NEDD4L: variants seen among roughly 807,000 people sequenced by gnomAD.
NEDD4L encodes the protein NEDD4 like E3 ubiquitin protein ligase.
Under a neutral mutation model 148.9 loss-of-function variants are expected in NEDD4L, and 54 were observed. That is an observed-to-expected ratio of 0.36 (90% CI 0.29 to 0.45). The LOEUF is 0.45. Ranked by LOEUF, NEDD4L falls within the 20% of genes least tolerant of loss-of-function variation. The probability of loss-of-function intolerance (pLI) is 1.00; values close to 1 mark genes in which losing one functional copy is unlikely to be tolerated. For missense variants in NEDD4L, 856 were observed against 1,233.8 expected (o/e 0.69, Z 4.59); for synonymous variants, 433 against 440.7 (o/e 0.98, Z 0.22).
chr18:58,225,338 AC>A (rs1325314847), intron 2 of NEDD4L, among the ~76,000 whole-genome samples: 3 of 152,106 alleles, frequency 2.0e-5, no homozygotes, highest in African/African-American at 7.2e-5. Flanking sequence ...TAGGGAAAAA[AC>A]CCCAGAAACT....
At position 58,342,120 on chromosome 18, in the gene NEDD4L, C is replaced by T. The variant is rs190257862; in HGVS notation, c.1377+323C>T. Among the ~76,000 whole-genome samples, 25 of 152,346 alleles carry T rather than the reference C, an allele frequency of 1.6e-4. No homozygotes were observed. In the East Asian group the frequency reaches 3.9e-3, roughly 23 times the overall value. ...TTTGCCTGTTACCTCATTAGAATTG[C>T]GTAATCCCTCTTTCAAATACCAAGT... is the stretch of plus-strand genomic sequence containing the variant. On this transcript the variant is annotated intron_variant, in intron 15 of 30. Coordinates refer to ENST00000400345, the MANE Select transcript of NEDD4L (RefSeq NM_001144967.3).
intron 2 of NEDD4L, among the ~76,000 whole-genome samples, chr18:58,210,298 A>C (rs2042470643): frequency 6.6e-6 from 1 of 152,244 alleles, no homozygotes; most frequent in Admixed American, 6.5e-5. Context: ...TATAGGGCTG[A>C]CTTCTTAGGA....
At chr18:58,175,756 C>T (rs143507997) in intron 2 of NEDD4L, among the ~76,000 whole-genome samples, 14 of 152,334 alleles carry the variant, frequency 9.2e-5, no homozygotes, top group African/African-American at 3.1e-4. Context: ...GATAGTAACT[C>T]CCTCCCGCAA....
chr18:58,166,110 G>A (rs1486078337), intron 2 of NEDD4L, among the ~76,000 whole-genome samples: 2 of 152,212 alleles, frequency 1.3e-5, no homozygotes, highest in African/African-American at 4.8e-5. Context: ...CTAATTTCAT[G>A]AGATTAGCTT....
intron 29 of NEDD4L, among the ~76,000 whole-genome samples, chr18:58,391,018 C>T (rs1045334244): frequency 3.3e-5 from 5 of 150,620 alleles, no homozygotes; most frequent in African/African-American, 9.8e-5. Context: ...TTTAGTAAAT[C>T]GTTAAAAACT....
intron 5 of NEDD4L, among the ~76,000 whole-genome samples, chr18:58,267,393 G>GT (rs1319871226): frequency 3.9e-5 from 6 of 152,144 alleles, no homozygotes; most frequent in South Asian, 2.1e-4. Flanking sequence ...TCATGAAAAT[G>GT]TAACAGTTCC....
intron 1 of NEDD4L, among the ~76,000 whole-genome samples, chr18:58,108,182 A>G (rs759302640): frequency 6.6e-6 from 1 of 152,144 alleles, no homozygotes; most frequent in Non-Finnish European, 1.5e-5. Context: ...TTAGTTTGTT[A>G]TTTTGATAGG....
At chr18:58,191,687 A>T (rs962634877) in intron 2 of NEDD4L, among the ~76,000 whole-genome samples, 1 of 152,216 alleles carries the variant, frequency 6.6e-6, no homozygotes, top group Non-Finnish European at 1.5e-5. Flanking sequence ...GTGTGTAGCC[A>T]AAGTTCTAAA....
chr18:58,148,125 T>C (rs376874239), intron 1 of NEDD4L, among the ~76,000 whole-genome samples: 14 of 151,520 alleles, frequency 9.2e-5, no homozygotes, highest in African/African-American at 2.2e-4. Context: ...AAATACCCAA[T>C]TGGTGACTTC....
chr18:58,044,981 G>A, intron 1 of NEDD4L: 1 of 434,748 alleles, frequency 2.3e-6, no homozygotes, highest in Non-Finnish European at 4.1e-6. Flanking sequence ...CGGGAGGAGA[G>A]GGAGGGGGCA....
intron 1 of NEDD4L, among the ~76,000 whole-genome samples, chr18:58,127,311 A>G (rs2031297003): frequency 6.6e-6 from 1 of 152,256 alleles, no homozygotes; most frequent in South Asian, 2.1e-4. Context: ...CGTCCCCGTC[A>G]TCACAGGACG....
At chr18:58,374,663 C>G (rs1275705494) in intron 24 of NEDD4L, among the ~76,000 whole-genome samples, 1 of 152,020 alleles carries the variant, frequency 6.6e-6, no homozygotes, top group African/African-American at 2.4e-5. Flanking sequence ...CCTTCCTCTG[C>G]TGCCTTTGAC....
At chr18:58,385,425 C>T (rs1404355388) in intron 25 of NEDD4L, 101 bp from the exon 26 acceptor site, 1 of 927,496 alleles carries the variant, frequency 1.1e-6, no homozygotes, top group East Asian at 2.4e-5. Context: ...CCCCTCTGCT[C>T]TGCTGTCGTG....
intron 2 of NEDD4L, among the ~76,000 whole-genome samples, chr18:58,177,550 A>G (rs2038323128): frequency 6.6e-6 from 1 of 152,106 alleles, no homozygotes; most frequent in Non-Finnish European, 1.5e-5. Flanking sequence ...CCCATTGTAG[A>G]CAGGACTGGC....
At position 58,165,800 on chromosome 18, in the gene NEDD4L, A is replaced by C; in HGVS notation, c.61A>C (p.Ile21Leu). 6.2e-7 allele frequency: 1 copy of C among 1,611,134 alleles called. No individual in the cohort carries two copies. Among genetic ancestry groups the C allele is most frequent in the Admixed American group, 1.7e-5 (1 of 59,724 alleles). ...CTCCTTCTCACAGGGAGAGTCCCGTATTCTCAGAGTAAAAGTTGTTTCTGG... is the reference window on the plus strand; with the variant it reads ...CTCCTTCTCACAGGGAGAGTCCCGTCTTCTCAGAGTAAAAGTTGTTTCTGG... ...GLSEDEGESR[I>L]LRVKVVSGID... The change falls in exon 2 of 31, where the codon ATT becomes CTT. Residue 21 changes from isoleucine (I) to leucine (L), a missense_variant. Ile to Leu is a conservative substitution (Grantham distance 5, BLOSUM62 2). Coordinates refer to ENST00000400345, the MANE Select transcript of NEDD4L (RefSeq NM_001144967.3).
intron 2 of NEDD4L, among the ~76,000 whole-genome samples, chr18:58,176,037 C>T (rs926622144): frequency 1.3e-5 from 2 of 152,130 alleles, no homozygotes; most frequent in African/African-American, 4.8e-5. Flanking sequence ...CCTAATGATC[C>T]GGAATCACTG....
intron 1 of NEDD4L, among the ~76,000 whole-genome samples, chr18:58,124,690 G>T (rs1015747304): frequency 6.6e-6 from 1 of 152,104 alleles, no homozygotes; most frequent in African/African-American, 2.4e-5. Context: ...ACCACATCCT[G>T]CCCACTGTCA....
chr18:58,159,041 C>G (rs1599209139), intron 1 of NEDD4L, among the ~76,000 whole-genome samples: 1 of 152,050 alleles, frequency 6.6e-6, no homozygotes, highest in Non-Finnish European at 1.5e-5. Flanking sequence ...GTGGAGAACT[C>G]AGAGGGATTT....
intron 6 of NEDD4L, among the ~76,000 whole-genome samples, chr18:58,319,979 A>G (rs540481016): frequency 1.3e-5 from 2 of 152,332 alleles, no homozygotes; most frequent in East Asian, 1.9e-4. Context: ...CACTGAGGCC[A>G]AGAGAGATAA....
Sources: gnomAD v4.1 joint callset for allele counts (sites outside exome capture counted in the v4.1 genomes callset) on GRCh38, gnomAD v4.1.1 for gene constraint, MANE v1.5 for transcripts, NCBI Gene and HGNC (gene_info 2026-07-23, HGNC 2026-07-21) for gene names.